The following SESTD1 variants were observed in gnomAD, a reference collection of about 807,000 sequenced individuals.
The protein encoded by SESTD1 is SEC14 domain and spectrin repeat-containing protein 1.
A neutral mutation model predicts 101.7 loss-of-function variants in SESTD1; 43 were observed. The observed-to-expected ratio is 0.42, with a 90% CI of 0.33 to 0.55. The LOEUF is 0.55. SESTD1 is among the 20% of genes least tolerant of loss of function. The pLI, the probability that SESTD1 is intolerant of heterozygous loss-of-function variation, is 0.07. For synonymous variants in SESTD1, 283 were observed against 286.8 expected (o/e 0.99, Z 0.13); for missense variants, 647 against 815.1 (o/e 0.79, Z 2.51).
intron 5 of SESTD1, among the ~76,000 whole-genome samples, chr2:179,166,011 T>G (rs2045827506): frequency 6.6e-6 from 1 of 152,144 alleles, no homozygotes; most frequent in African/African-American, 2.4e-5. Context: ...TAAGGAAAGA[T>G]CTGCATCTTC....
chr2:179,115,043 C>T (rs545671345), intron 16 of SESTD1, 22 bp downstream of exon 16: 249 of 1,599,792 alleles, frequency 1.6e-4, no homozygotes, highest in South Asian at 2.3e-4. Context: ...CTGAGAATAA[C>T]ATTTCAAAAA....
At chr2:179,180,882 TA>T (rs2046095769) in intron 3 of SESTD1, among the ~76,000 whole-genome samples, 1 of 152,194 alleles carries the variant, frequency 6.6e-6, no homozygotes, top group Non-Finnish European at 1.5e-5. Flanking sequence ...CCATGTTTGT[TA>T]ATCCCAAAAT....
rs1315910345 is a variant in SESTD1 at position 179,102,756 on chromosome 2, T to A, written c.*7143A>T. 1.3e-5 allele frequency: 2 copies of A among 152,082 alleles called. No individual in the cohort carries two copies. The highest frequency in any genetic ancestry group is 2.4e-5 in the African/African-American group (1 of 41,418). 9.4% of individuals were successfully genotyped at this position (152,082 alleles called of 1,614,324 possible). On this transcript the variant is annotated 3_prime_UTR_variant, in exon 18 of 18. Transcript: ENST00000428443. ...GGTAAAAGAGTGGATAAGAGAGTCA[T>A]CAGAGTGTGAAAAAACTACAGCTGG...
chr2:179,120,682 T>C (rs915615149), intron 13 of SESTD1, among the ~76,000 whole-genome samples: 2 of 151,932 alleles, frequency 1.3e-5, no homozygotes, highest in Non-Finnish European at 2.9e-5. Flanking sequence ...ATTACGTTGG[T>C]AATGCTGGTA....
intron 1 of SESTD1, among the ~76,000 whole-genome samples, chr2:179,250,275 G>A (rs944480897): frequency 6.6e-6 from 1 of 152,186 alleles, no homozygotes; most frequent in Non-Finnish European, 1.5e-5. Flanking sequence ...ATGAAAAGAT[G>A]TTCAACATCA....
chr2:179,142,125 G>T (rs1401771814), intron 9 of SESTD1, among the ~76,000 whole-genome samples: 1 of 152,148 alleles, frequency 6.6e-6, no homozygotes, highest in East Asian at 1.9e-4. Flanking sequence ...ATAAATAAAA[G>T]TTTATTGGAG....
chr2:179,104,995 CT>C lies in SESTD1; in HGVS notation c.*4903del, dbSNP rs904631730. ...TCATATTAAGTGTCATACCCATGAA[CT>C]TTTTTCAGTCTTAAAGACTCCCCTG... On this transcript the variant is annotated 3_prime_UTR_variant, in exon 18 of 18. Transcript: ENST00000428443. The C allele has an allele frequency of 2.6e-5, 4 of 152,032 alleles. No individual in the cohort carries two copies. The highest frequency in any genetic ancestry group is 9.7e-5 in the African/African-American group (4 of 41,414). The allele number at this position is 152,032 out of a possible 1,614,324, so 9.4% of individuals were successfully genotyped here. A position where few individuals can be genotyped will look rare whatever the true frequency, so the allele number is the denominator to read the frequency against.
intron 5 of SESTD1, 69 bp downstream of exon 5, chr2:179,172,051 C>T: frequency 9.4e-7 from 1 of 1,064,558 alleles, no homozygotes; most frequent in Non-Finnish European, 1.4e-6. Context: ...GCTGAACGGT[C>T]AAAAATAATT....
At chr2:179,138,692 C>A (rs556470718) in intron 9 of SESTD1, among the ~76,000 whole-genome samples, 1 of 151,716 alleles carries the variant, frequency 6.6e-6, no homozygotes, top group Non-Finnish European at 1.5e-5. Flanking sequence ...TGGTGAAACC[C>A]CATTTCTACA....
intron 7 of SESTD1, among the ~76,000 whole-genome samples, chr2:179,148,910 A>C (rs904425987): frequency 6.6e-5 from 10 of 151,866 alleles, no homozygotes; most frequent in Non-Finnish European, 1.0e-4. Flanking sequence ...AATACAAAAA[A>C]TTAGCCGGGC....
intron 4 of SESTD1, among the ~76,000 whole-genome samples, chr2:179,173,671 T>C (rs559794124): frequency 1.3e-5 from 2 of 152,286 alleles, no homozygotes; most frequent in African/African-American, 4.8e-5. Context: ...CACTACTTCG[T>C]ATGCTCTGAA....
rs12693182 is a variant in SESTD1, at chr2:179,264,639, A to G, written c.-166T>C. 95,522 of 151,310 alleles carry G rather than the reference A, an allele frequency of 0.63. 32,109 individuals carry two copies. Among genetic ancestry groups the G allele is most frequent in the African/African-American group, 0.87 (35,744 of 41,122 alleles). 9.4% of individuals were successfully genotyped at this position (151,310 alleles called of 1,614,324 possible). ...CGGAGCGGGCCCGGGCGGCGGCGGC[A>G]GCAGCGGCGACGGCTGCGGCTCCAG... is the stretch of plus-strand genomic sequence containing the variant. On this transcript the variant is annotated 5_prime_UTR_variant, in exon 1 of 18. Transcript: ENST00000428443.
chr2:179,193,165 A>G (rs928642503), intron 1 of SESTD1, among the ~76,000 whole-genome samples: 1 of 152,212 alleles, frequency 6.6e-6, no homozygotes. Flanking sequence ...AAAAAAAAAG[A>G]TGGAGTTGTA....
chr2:179,200,901 C>G (rs1411082667), intron 1 of SESTD1, among the ~76,000 whole-genome samples: 1 of 134,182 alleles, frequency 7.5e-6, no homozygotes. Context: ...GCAATGGCAA[C>G]AAAAGACAAA....
intron 1 of SESTD1, among the ~76,000 whole-genome samples, chr2:179,217,357 C>T (rs1353206526): frequency 6.6e-6 from 1 of 152,208 alleles, no homozygotes; most frequent in Non-Finnish European, 1.5e-5. Flanking sequence ...GACATTTATG[C>T]AGCCAACAGA....
rs1559134349 is a variant in SESTD1 at position 179,185,734 on chromosome 2, A to ATATAATATAGCATATTATATACAAT, written c.56-2547_56-2546insATTGTATATAATATGCTATATTATA. Among the ~76,000 whole-genome samples the ATATAATATAGCATATTATATACAAT allele has an allele frequency of 2.5e-4, 14 of 55,154 alleles. No individual in the cohort carries two copies. In the East Asian group the frequency reaches 4.9e-3, roughly 19 times the overall value. 36.2% of individuals were successfully genotyped at this position (55,154 alleles called of 152,430 possible). A position where few individuals can be genotyped will look rare whatever the true frequency, so the allele number is the denominator to read the frequency against. ...ATATATAATATAGCATATTATATAT[A>ATATAATATAGCATATTATATACAAT]ATATAATATAGTATATTATATACAA... On this transcript the variant is annotated intron_variant, in intron 2 of 17. Transcript: ENST00000428443.
At chr2:179,184,854 C>A (rs2046183097) in intron 2 of SESTD1, among the ~76,000 whole-genome samples, 1 of 120,678 alleles carries the variant, frequency 8.3e-6, no homozygotes, top group Non-Finnish European at 1.9e-5. Context: ...ACATTCAGGG[C>A]TATATTTAAA....
At position 179,239,480 on chromosome 2, in the gene SESTD1, A is replaced by G. The variant is rs888637519; in HGVS notation, c.-26+25019T>C. Among the ~76,000 whole-genome samples, 6 of 152,192 alleles carry G rather than the reference A, an allele frequency of 3.9e-5. No homozygotes were observed. The South Asian group carries it at 8.3e-4, about 21-fold the overall frequency. On this transcript the variant is annotated intron_variant, in intron 1 of 17. Coordinates refer to ENST00000428443, the MANE Select transcript of SESTD1 (RefSeq NM_178123.5). ...GGAAGCATTCTGGGAAAGAACTTTA[A>G]AAGTGACTGAAACCACTGGTATTCA...
At chr2:179,123,371 A>C (rs2044795221) in intron 12 of SESTD1, among the ~76,000 whole-genome samples, 1 of 152,194 alleles carries the variant, frequency 6.6e-6, no homozygotes, top group Admixed American at 6.5e-5. Context: ...AATTTTGGGC[A>C]TACAGGATTT....
Sources: allele counts gnomAD v4.1 joint callset (sites outside exome capture counted in the v4.1 genomes callset), GRCh38; gene constraint gnomAD v4.1.1; transcripts MANE v1.5; gene names NCBI Gene and HGNC (gene_info 2026-07-23, HGNC 2026-07-21).